The following CSMD2 variants were observed in gnomAD, a reference collection of about 807,000 sequenced individuals.
CSMD2 encodes the protein CUB and sushi domain-containing protein 2.
A neutral mutation model predicts 398.5 loss-of-function variants in CSMD2; 130 were observed. The ratio of observed to expected loss-of-function variants is 0.33; its 90% CI spans 0.28 to 0.38. CSMD2 has a LOEUF of 0.38. CSMD2 is among the 10% of genes least tolerant of loss of function. The pLI, the probability that CSMD2 is intolerant of heterozygous loss-of-function variation, is 1.00. For synonymous variants in CSMD2, 1,828 were observed against 1,908.5 expected, an observed-to-expected ratio of 0.96 and a Z score of 1.10; for missense variants, 3,829 against 4,764.9, an observed-to-expected ratio of 0.80 and a Z score of 5.78.
chr1:33,519,711 A>C lies in CSMD2; in HGVS notation c.10737-34T>G, dbSNP rs745876607. 1.2e-6 allele frequency: 2 copies of C among 1,613,612 alleles called. No individual in the cohort carries two copies. The highest frequency in any genetic ancestry group is 1.3e-5 in the African/African-American group (1 of 74,820). ...AAAAGAGGAAGTGCCCACGGCATGA[A>C]AAGAGCGACACAGAGAGGCTTAGGG... is the stretch of plus-strand genomic sequence containing the variant. On this transcript the variant is annotated intron_variant, in intron 69 of 70. Coordinates refer to ENST00000373381, the MANE Select transcript of CSMD2 (RefSeq NM_001281956.2). This position sits in a 1 kb window ranked among gnomAD's most constrained non-coding sequence, Gnocchi z 5.6.
At chr1:33,588,104 T>A (rs1639204965) in intron 44 of CSMD2, among the ~76,000 whole-genome samples, 1 of 152,140 alleles carries the variant, frequency 6.6e-6, no homozygotes, top group Non-Finnish European at 1.5e-5. Context: ...GTTCCTGGAG[T>A]GTTTATTCTC....
chr1:33,923,778 C>T (rs779510657), intron 4 of CSMD2, among the ~76,000 whole-genome samples: 6 of 152,116 alleles, frequency 3.9e-5, no homozygotes, highest in African/African-American at 9.7e-5. Flanking sequence ...GGCCATGGAC[C>T]GGGACCTGTT....
At chr1:33,651,162 A>G (rs1258533109) in intron 28 of CSMD2, among the ~76,000 whole-genome samples, 4 of 152,192 alleles carry the variant, frequency 2.6e-5, no homozygotes, top group Non-Finnish European at 5.9e-5. Flanking sequence ...CAGAGGAACC[A>G]GCTAGGAGAT....
chr1:33,733,962 T>G (rs564444689), intron 15 of CSMD2, among the ~76,000 whole-genome samples: 2 of 152,342 alleles, frequency 1.3e-5, no homozygotes, highest in Admixed American at 1.3e-4. Context: ...TGGGTGATTT[T>G]GGGAACGTCA....
intron 6 of CSMD2, among the ~76,000 whole-genome samples, chr1:33,836,987 A>G (rs1570203387): frequency 6.6e-6 from 1 of 152,168 alleles, no homozygotes; most frequent in African/African-American, 2.4e-5. Context: ...AGCTGTTCCT[A>G]TTCGGCCATC....
At chr1:33,727,743 T>C (rs376860744) in intron 15 of CSMD2, among the ~76,000 whole-genome samples, 16 of 152,330 alleles carry the variant, frequency 1.1e-4, no homozygotes, top group South Asian at 4.2e-4. Flanking sequence ...ATGTTAAATA[T>C]GTAGCTTCAG....
chr1:33,726,387 G>A (rs1372902602), intron 16 of CSMD2, among the ~76,000 whole-genome samples, 160 bp downstream of exon 16: 1 of 152,218 alleles, frequency 6.6e-6, no homozygotes, highest in Non-Finnish European at 1.5e-5. Context: ...GGCAGAGCCA[G>A]TGAGGTCTGC....
At chr1:34,091,436 TTAAG>T (rs1431986796) in intron 1 of CSMD2, among the ~76,000 whole-genome samples, 1 of 152,114 alleles carries the variant, frequency 6.6e-6, no homozygotes, top group Non-Finnish European at 1.5e-5. Context: ...CAGAAAGAAA[TTAAG>T]TAATGGGGCC....
rs1301202013 is a variant in CSMD2 at position 33,624,005 on chromosome 1, A to G, written c.5625+514T>C. Among the ~76,000 whole-genome samples, 2 of 152,148 alleles carry G rather than the reference A, an allele frequency of 1.3e-5. No homozygotes were observed. Among genetic ancestry groups the G allele is most frequent in the Admixed American group, 6.5e-5 (1 of 15,284 alleles). On this transcript the variant is annotated intron_variant, in intron 35 of 70. Transcript: ENST00000373381. This position sits in a 1 kb window ranked among gnomAD's most constrained non-coding sequence, Gnocchi z 4.7. The stretch of plus-strand genomic sequence containing the variant: ...CAGTTATGCCCCCAGTTCAGCTTCT[A>G]CAGCTCATGCTGTGCGTGGTTCCCT...
Position 33,655,052 on chromosome 1 carries a change from G to A in CSMD2, c.4448-2591C>T, listed in dbSNP as rs7530062. ...CTTGCTTGGATCCCTGGGCTGCCTC[G>A]CCAACAGGAAGGCTCCTACTGCTCA... On this transcript the variant is annotated intron_variant, in intron 27 of 70. Coordinates refer to ENST00000373381, the MANE Select transcript of CSMD2 (RefSeq NM_001281956.2). Among the ~76,000 whole-genome samples the A allele has an allele frequency of 5.5e-3, 835 of 152,346 alleles. 8 individuals are homozygous for A. Among genetic ancestry groups the A allele is most frequent in the African/African-American group, 0.019 (780 of 41,582 alleles).
At chr1:33,995,854 T>G (rs1037069842) in intron 3 of CSMD2, among the ~76,000 whole-genome samples, 2 of 152,228 alleles carry the variant, frequency 1.3e-5, no homozygotes, top group Non-Finnish European at 2.9e-5. Context: ...GATTTTTCTG[T>G]TGATATGCAC....
intron 15 of CSMD2, among the ~76,000 whole-genome samples, chr1:33,737,083 T>C (rs891988654): frequency 6.6e-6 from 1 of 152,184 alleles, no homozygotes; most frequent in South Asian, 2.1e-4. Context: ...AATAACTCCA[T>C]CAGATATGCA....
intron 1 of CSMD2, among the ~76,000 whole-genome samples, chr1:34,102,598 GCCATATCCCTGTGATCCAA>G (rs1660067477): frequency 5.2e-5 from 4 of 77,504 alleles, no homozygotes; most frequent in Middle Eastern, 5.5e-3. Context: ...CTGTAATCCG[GCCATATCCCTGTGATCCAA>G]CCATATCCCT....
In CSMD2 at chr1:33,843,847, C is replaced by T. The variant is rs114734232; in HGVS notation, c.1033+3037G>A. Among the ~76,000 whole-genome samples the T allele has an allele frequency of 2.6e-3, 401 of 152,348 alleles. 1 individual carries two copies. Among genetic ancestry groups the T allele is most frequent in the African/African-American group, 9.0e-3 (375 of 41,586 alleles). ...GGATCCCTGTGGTCCCCTCCTCCTGCACTGCAGGTAGGGAATAGCTTTCCA... is the reference window on the plus strand; with the variant it reads ...GGATCCCTGTGGTCCCCTCCTCCTGTACTGCAGGTAGGGAATAGCTTTCCA... On this transcript the variant is annotated intron_variant, in intron 6 of 70. Coordinates refer to ENST00000373381, the MANE Select transcript of CSMD2 (RefSeq NM_001281956.2).
chr1:33,829,433 C>T (rs1659216349), intron 6 of CSMD2, among the ~76,000 whole-genome samples: 1 of 152,134 alleles, frequency 6.6e-6, no homozygotes, highest in Admixed American at 6.5e-5. Context: ...GGTACATGTG[C>T]ACAACGTGCA....
At chr1:33,796,940 C>T (rs1655025411) in intron 10 of CSMD2, among the ~76,000 whole-genome samples, 1 of 152,170 alleles carries the variant, frequency 6.6e-6, no homozygotes, top group Admixed American at 6.5e-5. Flanking sequence ...GAAATAAGCC[C>T]TGGTCTCCTG....
intron 2 of CSMD2, among the ~76,000 whole-genome samples, chr1:34,075,489 CAACTAGCTCCAAATGACTAA>C (rs1656225648): frequency 6.6e-6 from 1 of 152,216 alleles, no homozygotes; most frequent in Admixed American, 6.5e-5. Context: ...GTGAAATCTG[CAACTAGCTCCAAATGACTAA>C]AACTACATTG....
intron 41 of CSMD2, chr1:33,605,872 C>G (rs1640563716): frequency 6.2e-7 from 1 of 1,613,054 alleles, no homozygotes; most frequent in Admixed American, 1.7e-5. Context: ...CCTTCACAAC[C>G]AGGATCAAGA....
In CSMD2 at chr1:33,567,610, T is replaced by C; in HGVS notation, c.8363A>G (p.Lys2788Arg). The stretch of plus-strand genomic sequence containing the variant: ...ATACTTACGCACACAGAAAGGGGTC[T>C]TGCCCGACCAGTGATGATCCTGCTG... Reference protein sequence around the residue: ...ICQQDHHWSGKTPFCVPITCG... With the variant: ...ICQQDHHWSGRTPFCVPITCG... Residue 2788 changes from lysine (K) to arginine (R), a missense_variant, in exon 53 of 71, where the codon AAG (lysine) becomes AGG (arginine). Coordinates refer to ENST00000373381, the MANE Select transcript of CSMD2 (RefSeq NM_001281956.2). The C allele has an allele frequency of 6.2e-7, 1 of 1,614,160 alleles. No homozygotes were observed. The highest frequency in any genetic ancestry group is 8.5e-7 in the Non-Finnish European group (1 of 1,180,012).
Sources: gnomAD v4.1 joint callset for allele counts (sites outside exome capture counted in the v4.1 genomes callset) on GRCh38, gnomAD v4.1.1 for gene constraint, Gnocchi (gnomAD v3.1) non-coding constraint, MANE v1.5 for transcripts, NCBI Gene and HGNC (gene_info 2026-07-23, HGNC 2026-07-21) for gene names.